The following RGS3 variants were observed in gnomAD, a reference collection of about 807,000 sequenced individuals.
The protein encoded by RGS3 is regulator of G protein signaling 3, also known as regulator of G-protein signalling 3.
RGS3 carries 80 observed loss-of-function variants against 132.6 expected under a neutral mutation model. That is an observed-to-expected ratio of 0.60 (90% confidence interval 0.50 to 0.73). The LOEUF is 0.73. Among genes scored for constraint, RGS3 ranks in the 30% least tolerant of loss-of-function variants. The pLI, the probability that RGS3 is intolerant of heterozygous loss-of-function variation, is 0.00. For missense variants in RGS3, 1,382 were observed against 1,530.8 expected (o/e 0.90, Z 1.62); for synonymous variants, 598 against 620.6 (o/e 0.96, Z 0.54).
At chr9:113,586,572 C>T (rs1471539246) in intron 20 of RGS3, among the ~76,000 whole-genome samples, 1 of 152,206 alleles carries the variant, frequency 6.6e-6, no homozygotes, top group Non-Finnish European at 1.5e-5. Flanking sequence ...GTTTGAGTGG[C>T]TGAGCTGGCA....
upstream of RGS3, among the ~76,000 whole-genome samples, chr9:113,458,834 C>A (rs1048172289): frequency 1.3e-5 from 2 of 152,196 alleles, no homozygotes; most frequent in African/African-American, 2.4e-5. Flanking sequence ...CCACTGCAAC[C>A]TCTGCCTCCC....
chr9:113,446,320 A>G (rs1829099507), intron 1 of RGS3, among the ~76,000 whole-genome samples: 1 of 152,254 alleles, frequency 6.6e-6, no homozygotes, highest in South Asian at 2.1e-4. Flanking sequence ...CCCTTAGATT[A>G]TCTTGATAGA....
At chr9:113,451,046 C>T (rs1403896319) in intron 1 of RGS3, among the ~76,000 whole-genome samples, 8 of 151,924 alleles carry the variant, frequency 5.3e-5, no homozygotes, top group Admixed American at 5.2e-4. Context: ...GGCGTGGTGG[C>T]GTGTGCCTGT....
At chr9:113,505,894 C>G (rs1221527889) in intron 11 of RGS3, among the ~76,000 whole-genome samples, 1 of 152,182 alleles carries the variant, frequency 6.6e-6, no homozygotes, top group Non-Finnish European at 1.5e-5. Flanking sequence ...AAGAGCCATC[C>G]TTCCCTACTT....
At chr9:113,485,949 G>A (rs1023962793) in intron 7 of RGS3, among the ~76,000 whole-genome samples, 1 of 152,208 alleles carries the variant, frequency 6.6e-6, no homozygotes, top group African/African-American at 2.4e-5. Flanking sequence ...AAGCCGACCA[G>A]CCTACACATG....
intron 19 of RGS3, among the ~76,000 whole-genome samples, chr9:113,557,818 T>TG (rs1330048305): frequency 1.3e-5 from 2 of 148,768 alleles, no homozygotes; most frequent in Non-Finnish European, 3.0e-5. Context: ...TTGTTCTAGG[T>TG]GGGGACCCTA....
intron 4 of RGS3, among the ~76,000 whole-genome samples, chr9:113,481,883 C>T (rs570984587): frequency 3.3e-5 from 5 of 152,128 alleles, no homozygotes; most frequent in East Asian, 1.9e-4. Context: ...CTTCTCTCCA[C>T]GAAAAATACA....
chr9:113,478,160 G>C (rs1335562144), intron 3 of RGS3, among the ~76,000 whole-genome samples: 1 of 151,996 alleles, frequency 6.6e-6, no homozygotes, highest in Non-Finnish European at 1.5e-5. Flanking sequence ...ACTCATTCTT[G>C]CCCTGCCTTC....
At chr9:113,569,578 T>TTTCCTTCTTTCCTTCCTTCCTTCCTTCC (rs1468046093) in intron 19 of RGS3, among the ~76,000 whole-genome samples, 83 of 88,922 alleles carry the variant, frequency 9.3e-4, no homozygotes, top group African/African-American at 4.1e-3. Context: ...TCTTTCCTTC[T>TTTCCTTCTTTCCTTCCTTCCTTCCTTCC]TTCCTTCCTT....
intron 20 of RGS3, among the ~76,000 whole-genome samples, chr9:113,590,210 C>G (rs1835345524): frequency 1.3e-5 from 2 of 152,300 alleles, no homozygotes; most frequent in South Asian, 4.1e-4. Context: ...TTCTCTGAGC[C>G]TCTATTTACT....
In RGS3 at chr9:113,535,697, G is replaced by A. The variant is rs7028229; in HGVS notation, c.1915-1099G>A. ...CTGTCCAACTGCAAAATGAGAAAGG[G>A]CTGGATAGAAACACTGTCTTTTTTT... On this transcript the variant is annotated intron_variant, in intron 18 of 24. Transcript: ENST00000350696. Among the ~76,000 whole-genome samples, 693 of 151,724 alleles carry A rather than the reference G, an allele frequency of 4.6e-3. 2 individuals are homozygous for A. Among genetic ancestry groups the A allele is most frequent in the African/African-American group, 0.015 (633 of 41,218 alleles).
intron 19 of RGS3, among the ~76,000 whole-genome samples, chr9:113,563,944 G>A (rs1262705528): frequency 6.6e-6 from 1 of 152,056 alleles, no homozygotes; most frequent in East Asian, 1.9e-4. Flanking sequence ...GGTGGGGTGG[G>A]CATGGGAAAA....
At position 113,570,682 on chromosome 9, in the gene RGS3, G is replaced by T. The variant is rs1003362793; in HGVS notation, c.2038-12768G>T. 4.0e-5 allele frequency among the ~76,000 whole-genome samples: 6 copies of T among 151,380 alleles called. No individual in the cohort carries two copies. The South Asian group carries it at 1.3e-3, about 32-fold the overall frequency. On this transcript the variant is annotated intron_variant, in intron 19 of 24. Transcript: ENST00000350696. Reference sequence around the variant, plus strand: ...CTTTTTTTTTTTGAGGCAGAGTCTCGCTCTGTTGCCCAGGCTGGGGTGCAG... The same window carrying T: ...CTTTTTTTTTTTGAGGCAGAGTCTCTCTCTGTTGCCCAGGCTGGGGTGCAG...
At chr9:113,534,859 C>T (rs1019862759) in intron 18 of RGS3, among the ~76,000 whole-genome samples, 1 of 152,094 alleles carries the variant, frequency 6.6e-6, no homozygotes, top group African/African-American at 2.4e-5. Context: ...GCAAATGATC[C>T]TCCTGCCTTG....
At chr9:113,586,409 C>T (rs561658807) in intron 20 of RGS3, among the ~76,000 whole-genome samples, 32 of 152,370 alleles carry the variant, frequency 2.1e-4, no homozygotes, top group South Asian at 6.2e-4. Flanking sequence ...CAGTTGACCT[C>T]GGCTCCTATT....
chr9:113,557,989 C>A (rs1227749304), intron 19 of RGS3, among the ~76,000 whole-genome samples: 1 of 152,148 alleles, frequency 6.6e-6, no homozygotes, highest in Non-Finnish European at 1.5e-5. Context: ...AAAGCTGATG[C>A]TGGCCTCATA....
intron 19 of RGS3, among the ~76,000 whole-genome samples, chr9:113,559,874 G>T (rs1256799194): frequency 6.6e-6 from 1 of 152,194 alleles, no homozygotes; most frequent in Non-Finnish European, 1.5e-5. Context: ...CCTTCTCAAG[G>T]TGAATTCTGT....
At chr9:113,511,854 A>G (rs1588180029) in intron 14 of RGS3, among the ~76,000 whole-genome samples, 1 of 151,998 alleles carries the variant, frequency 6.6e-6, no homozygotes, top group Admixed American at 6.5e-5. Flanking sequence ...AGGCTTAACC[A>G]TGTTAAATTA....
intron 1 of RGS3, among the ~76,000 whole-genome samples, chr9:113,450,578 G>A (rs991343999): frequency 9.2e-5 from 14 of 152,166 alleles, no homozygotes; most frequent in African/African-American, 3.1e-4. Context: ...GTGTGTCAAG[G>A]CAGAGGTGGT....
Sources: gnomAD v4.1 joint callset for allele counts (sites outside exome capture counted in the v4.1 genomes callset) on GRCh38, gnomAD v4.1.1 for gene constraint, MANE v1.5 for transcripts, NCBI Gene and HGNC (gene_info 2026-07-23, HGNC 2026-07-21) for gene names.